The following ZNF384 variants were observed in gnomAD, a reference collection of about 807,000 sequenced individuals.
ZNF384 encodes zinc finger protein 384.
ZNF384 carries 20 observed loss-of-function variants against 65.0 expected under a neutral mutation model. The ratio of observed to expected loss-of-function variants is 0.31; its 90% CI spans 0.22 to 0.45. ZNF384 has a LOEUF of 0.45. ZNF384 is among the 20% of genes least tolerant of loss of function. The probability of loss-of-function intolerance (pLI) is 1.00; values close to 1 mark genes in which losing one functional copy is unlikely to be tolerated. For synonymous variants in ZNF384, 310 were observed against 303.9 expected (o/e 1.02, Z -0.21); for missense variants, 549 against 769.4 (o/e 0.71, Z 3.39).
intron 2 of ZNF384, among the ~76,000 whole-genome samples, chr12:6,684,057 C>T (rs189961114): frequency 1.3e-5 from 2 of 152,186 alleles, no homozygotes; most frequent in Admixed American, 1.3e-4. Context: ...CTATCATTAT[C>T]ATTAAAACTT....
chr12:6,679,398 A>G (rs1450238372), intron 3 of ZNF384, 57 bp downstream of exon 3: 2 of 1,497,782 alleles, frequency 1.3e-6, no homozygotes, highest in Non-Finnish European at 1.9e-6. Flanking sequence ...TTCAGTCTCC[A>G]TAGTAACAGA....
rs1565424494 is a variant in ZNF384 at position 6,670,775 on chromosome 12, T to C, written c.1251A>G (p.Gln417=). 6.2e-7 allele frequency: 1 copy of C among 1,613,898 alleles called. No homozygotes were observed. Among genetic ancestry groups the C allele is most frequent in the Non-Finnish European group, 8.5e-7 (1 of 1,179,950 alleles). The change falls in exon 10 of 12, where the codon CAA becomes CAG. Residue 417 remains glutamine (Q), a synonymous_variant. Coordinates refer to ENST00000683879, the MANE Select transcript of ZNF384 (RefSeq NM_001385745.1). ...AHPGCEKAFT[Q]LSNLQSHRRQ... The stretch of plus-strand genomic sequence containing the variant: ...GAACATTTACCTGCAGATTGGAGAG[T>C]TGTGTGAAGGCTTTCTCACAGCCTG...
At chr12:6,684,027 A>G (rs1343819730) in intron 2 of ZNF384, among the ~76,000 whole-genome samples, 1 of 152,130 alleles carries the variant, frequency 6.6e-6, no homozygotes, top group East Asian at 1.9e-4. Context: ...AAAAAAAAAA[A>G]CTGGTGGACA....
At position 6,667,707 on chromosome 12, in the gene ZNF384, C is replaced by T. The variant is rs756751181; in HGVS notation, c.*7G>A. On this transcript the variant is annotated 3_prime_UTR_variant, in exon 12 of 12. Coordinates refer to ENST00000683879, the MANE Select transcript of ZNF384 (RefSeq NM_001385745.1). ...TTCCTCTTCCCAGTGGGTGGCAGCACGGATCTCTAAGAGCTGGCCAGGTGC... is the reference window on the plus strand; with the variant it reads ...TTCCTCTTCCCAGTGGGTGGCAGCATGGATCTCTAAGAGCTGGCCAGGTGC... 1.4e-5 allele frequency: 22 copies of T among 1,613,974 alleles called. No individual in the cohort carries two copies. The highest frequency in any genetic ancestry group is 3.3e-5 in the Admixed American group (2 of 60,000).
intron 2 of ZNF384, among the ~76,000 whole-genome samples, chr12:6,685,776 CAAAA>C (rs778337408): frequency 3.2e-4 from 14 of 43,224 alleles, no homozygotes; most frequent in Middle Eastern, 9.6e-3. Flanking sequence ...GACTCAGTCT[CAAAA>C]AAAAAAAAAA....
rs765067826 is a variant in ZNF384 at position 6,669,073 on chromosome 12, G to C, written c.1383C>G (p.Ala461=). 4 of 1,613,720 alleles carry C rather than the reference G, an allele frequency of 2.5e-6. No individual in the cohort carries two copies. Among genetic ancestry groups the C allele is most frequent in the Non-Finnish European group, 3.4e-6 (4 of 1,179,838 alleles). ...VHLSTHTVKH[A]KVYTCTICSR... is the part of the protein sequence containing the mutation. ...TGCAGATAGTGCAGGTGTACACCTT[G>C]GCATGCTTCACTGTGTGCGTAGACA... Residue 461 remains alanine, a synonymous_variant, in exon 11 of 12, where the codon GCC becomes GCG. Transcript: ENST00000683879.
intron 2 of ZNF384, among the ~76,000 whole-genome samples, chr12:6,686,137 A>G (rs905368443): frequency 6.6e-6 from 1 of 152,206 alleles, no homozygotes; most frequent in Admixed American, 6.5e-5. Context: ...TTTCAAATAA[A>G]GCATGATTTT....
At chr12:6,670,159 G>A (rs902943671) in intron 10 of ZNF384, among the ~76,000 whole-genome samples, 2 of 152,230 alleles carry the variant, frequency 1.3e-5, no homozygotes, top group Non-Finnish European at 2.9e-5. Context: ...CAGGTGCGGT[G>A]ACTCATGCTT....
At chr12:6,685,738 C>T (rs1957654873) in intron 2 of ZNF384, among the ~76,000 whole-genome samples, 1 of 140,626 alleles carries the variant, frequency 7.1e-6, no homozygotes, top group Non-Finnish European at 1.5e-5. Context: ...GATCAGACCA[C>T]TGCACTCCAG....
intron 10 of ZNF384, among the ~76,000 whole-genome samples, chr12:6,669,971 G>A (rs976938845): frequency 2.0e-5 from 3 of 151,888 alleles, no homozygotes; most frequent in African/African-American, 7.3e-5. Flanking sequence ...CAAACACAAA[G>A]ATGAAAAACC....
rs1329757748 is a variant in ZNF384 at position 6,667,830 on chromosome 12, G to C, written c.1711C>G (p.Pro571Ala). Residue 571 changes from proline to alanine, a missense_variant, in exon 12 of 12, where the codon CCT becomes GCT. Coordinates refer to ENST00000683879, the MANE Select transcript of ZNF384 (RefSeq NM_001385745.1). ...GGGGGDSNPN[P>A]PPQCSFDLTP... ...AGGTCAAAGGAACACTGGGGTGGAG[G>C]GTTGGGATTGCTGTCCCCACCACCC... 6.2e-7 allele frequency: 1 copy of C among 1,614,198 alleles called. No individual in the cohort carries two copies. Among genetic ancestry groups the C allele is most frequent in the Admixed American group, 1.7e-5 (1 of 60,030 alleles).
rs773984395 is a variant in ZNF384, at chr12:6,678,423, A to T, written c.390T>A (p.Leu130=). ...TCTGAGCTGATGATGCTGTGGTCAC[A>T]AGAGAGCCTGAGGGGGACGTGATTA... The part of the protein sequence containing the change: ...GLVITSPSGS[L]VTTASSAQTF... The change falls in exon 6 of 12, where the codon CTT becomes CTA. Residue 130 remains leucine, a synonymous_variant. Coordinates refer to ENST00000683879, the MANE Select transcript of ZNF384 (RefSeq NM_001385745.1). This position sits in a 1 kb window ranked among gnomAD's most constrained non-coding sequence, Gnocchi z 4.9. The T allele has an allele frequency of 1.9e-6, 3 of 1,602,416 alleles. No individual in the cohort carries two copies. In the South Asian group the frequency reaches 3.3e-5, roughly 18 times the overall value.
intron 2 of ZNF384, among the ~76,000 whole-genome samples, chr12:6,680,508 C>T (rs1347944624): frequency 6.6e-6 from 1 of 151,964 alleles, no homozygotes; most frequent in Non-Finnish European, 1.5e-5. Context: ...ATTAGCTGGG[C>T]GTGGTGGCAC....
rs933587286 is a variant in ZNF384 at position 6,673,053 on chromosome 12, T to C, written c.1004+163A>G. ...ACCACAATTTTCAAGGCCCCCCAAA[T>C]AGCTAGGATATATAATTTCCACAGA... On this transcript the variant is annotated intron_variant, in intron 8 of 11. Transcript: ENST00000683879. This position sits in a 1 kb window ranked among gnomAD's most constrained non-coding sequence, Gnocchi z 4.7. 2.9e-6 allele frequency: 2 copies of C among 686,268 alleles called. No individual in the cohort carries two copies. The highest frequency in any genetic ancestry group is 4.1e-5 in the South Asian group (2 of 49,004). 42.5% of individuals were successfully genotyped at this position (686,268 alleles called of 1,614,324 possible).
intron 2 of ZNF384, among the ~76,000 whole-genome samples, chr12:6,685,382 AT>A (rs1192491832): frequency 6.6e-6 from 1 of 152,202 alleles, no homozygotes; most frequent in East Asian, 1.9e-4. Context: ...AAGGAAAGAT[AT>A]AATTTGGTGG....
chr12:6,682,153 A>G (rs1360451438), intron 2 of ZNF384, among the ~76,000 whole-genome samples: 2 of 151,740 alleles, frequency 1.3e-5, no homozygotes, highest in Admixed American at 1.3e-4. Flanking sequence ...GAAAAAAAAA[A>G]AAGAAAAAGA....
At chr12:6,685,043 T>G (rs1316467988) in intron 2 of ZNF384, among the ~76,000 whole-genome samples, 1 of 152,168 alleles carries the variant, frequency 6.6e-6, no homozygotes, top group Non-Finnish European at 1.5e-5. Flanking sequence ...GAGTGCCAAT[T>G]TTAATGATTA....
At chr12:6,687,023 A>G (rs1178111342) in intron 2 of ZNF384, among the ~76,000 whole-genome samples, 1 of 152,262 alleles carries the variant, frequency 6.6e-6, no homozygotes, top group East Asian at 1.9e-4. Context: ...CCTTAGCTCA[A>G]GACTTGAAAT....
chr12:6,678,751 AG>A lies in ZNF384; in HGVS notation c.305-42del, dbSNP rs1954737363. On this transcript the variant is annotated intron_variant, in intron 4 of 11. Transcript: ENST00000683879. The surrounding 1 kb of genome is among the most constrained non-coding windows in gnomAD (Gnocchi z 4.9). Reference sequence around the variant, plus strand: ...GAAAGAATGTCACCTCCTCAAAGGCAGGGACCGCATCTTCTACTTCTTTGTA... The same window carrying A: ...GAAAGAATGTCACCTCCTCAAAGGCAGGACCGCATCTTCTACTTCTTTGTA... The A allele has an allele frequency of 6.2e-7, 1 of 1,608,056 alleles. No individual in the cohort carries two copies. Among genetic ancestry groups the A allele is most frequent in the Non-Finnish European group, 8.5e-7 (1 of 1,174,734 alleles).
Sources: allele counts gnomAD v4.1 joint callset (sites outside exome capture counted in the v4.1 genomes callset), GRCh38; gene constraint gnomAD v4.1.1; non-coding constraint Gnocchi (gnomAD v3.1); transcripts MANE v1.5; gene names NCBI Gene and HGNC (gene_info 2026-07-23, HGNC 2026-07-21).